Variants in SUGT1 observed in about 807,000 individuals in gnomAD.
SUGT1 encodes the protein protein SGT1 homolog.
SUGT1 carries 15 observed loss-of-function variants against 56.1 expected under a neutral mutation model. The observed-to-expected ratio is 0.27, with a 90% confidence interval of 0.18 to 0.41. The LOEUF is 0.41. Ranked by LOEUF, SUGT1 falls within the 10% of genes least tolerant of loss-of-function variation. The pLI, the probability that SUGT1 is intolerant of heterozygous loss-of-function variation, is 1.00. For synonymous variants in SUGT1, 123 were observed against 128.6 expected (o/e 0.96, Z 0.30); for missense variants, 347 against 382.2 (o/e 0.91, Z 0.77).
At chr13:52,668,046 A>T (rs1027399339) in intron 10 of SUGT1, among the ~76,000 whole-genome samples, 7 of 151,180 alleles carry the variant, frequency 4.6e-5, no homozygotes, top group African/African-American at 1.5e-4. Context: ...CTGTGATCTC[A>T]GCTCACTGCA....
Position 52,691,792 on chromosome 13 carries a change from G to C in SUGT1, c.*3957G>C, listed in dbSNP as rs1371904859. On this transcript the variant is annotated 3_prime_UTR_variant, in exon 13 of 13. Coordinates refer to ENST00000310528, the MANE Select transcript of SUGT1 (RefSeq NM_006704.5). ...CTAAAAGGACAAAATACTGGTTTCT[G>C]TGCAGGGAAGGGTCATATGTAGTTT... 1.3e-5 allele frequency: 2 copies of C among 152,164 alleles called. No individual in the cohort carries two copies. The highest frequency in any genetic ancestry group is 2.4e-5 in the African/African-American group (1 of 41,434). The allele number at this position is 152,164 out of a possible 1,614,324, so 9.4% of individuals were successfully genotyped here. A position where few individuals can be genotyped will look rare whatever the true frequency, so the allele number is the denominator to read the frequency against.
chr13:52,661,828 G>A (rs1962470588), intron 5 of SUGT1, among the ~76,000 whole-genome samples: 1 of 152,012 alleles, frequency 6.6e-6, no homozygotes, highest in African/African-American at 2.4e-5. Context: ...GGTATAGTTG[G>A]ATTTCTTTTA....
In SUGT1 at chr13:52,688,495, A is replaced by G. The variant is rs1446415875; in HGVS notation, c.*660A>G. 6.6e-6 allele frequency: 1 copy of G among 152,220 alleles called. No homozygotes were observed. Among genetic ancestry groups the G allele is most frequent in the Non-Finnish European group, 1.5e-5 (1 of 68,030 alleles). The allele number at this position is 152,220 out of a possible 1,614,324, so 9.4% of individuals were successfully genotyped here. On this transcript the variant is annotated 3_prime_UTR_variant, in exon 13 of 13. Transcript: ENST00000310528. ...ACACTGCAAGTTTATACTAAGGATA[A>G]TCTGTGAAGGTAGGGCAAAGAAGGT...
chr13:52,685,056 T>TA (rs1163851668), intron 12 of SUGT1, among the ~76,000 whole-genome samples: 1 of 121,126 alleles, frequency 8.3e-6, no homozygotes, highest in Non-Finnish European at 1.7e-5. Flanking sequence ...ATCTTCACTT[T>TA]ACCTTTTGGT....
chr13:52,670,866 G>A (rs1962909589), intron 10 of SUGT1, among the ~76,000 whole-genome samples: 1 of 152,082 alleles, frequency 6.6e-6, no homozygotes, highest in Admixed American at 6.6e-5. Flanking sequence ...ATTTGCCCTT[G>A]TGGAAATGTT....
Position 52,690,014 on chromosome 13 carries a change from T to G in SUGT1, c.*2179T>G, listed in dbSNP as rs1026108069. On this transcript the variant is annotated 3_prime_UTR_variant, in exon 13 of 13. Coordinates refer to ENST00000310528, the MANE Select transcript of SUGT1 (RefSeq NM_006704.5). ...AAATCTGGTACTATCTTTAGTTGGT[T>G]TTAAAGGATATATTATCTAGAATAT... The G allele has an allele frequency of 1.3e-5, 2 of 152,130 alleles. No homozygotes were observed. Among genetic ancestry groups the G allele is most frequent in the African/African-American group, 4.8e-5 (2 of 41,436 alleles). 9.4% of individuals were successfully genotyped at this position (152,130 alleles called of 1,614,324 possible).
Position 52,659,187 on chromosome 13 carries a change from A to G in SUGT1, c.266A>G (p.Glu89Gly). Residue 89 changes from glutamate (E) to glycine (G), a missense_variant, in exon 5 of 13, where the codon GAA (glutamate) becomes GGA (glycine). Coordinates refer to ENST00000310528, the MANE Select transcript of SUGT1 (RefSeq NM_006704.5). The stretch of plus-strand genomic sequence containing the variant: ...TAAATATATTCATGCAGAATATGTG[A>G]ATACCATGAAAAAAACTATGCTGCT... ...STAMLRKGIC[E>G]YHEKNYAAAL... is the part of the protein sequence containing the mutation. 1 of 1,497,720 alleles carries G rather than the reference A, an allele frequency of 6.7e-7. No individual in the cohort carries two copies. Among genetic ancestry groups the G allele is most frequent in the South Asian group, 1.4e-5 (1 of 70,932 alleles). 92.8% of individuals were successfully genotyped at this position (1,497,720 alleles called of 1,614,324 possible).
intron 11 of SUGT1, 65 bp downstream of exon 11, chr13:52,676,385 A>G: frequency 7.7e-7 from 1 of 1,299,772 alleles, no homozygotes. Flanking sequence ...ATTAAATAGT[A>G]ATGAACATTC....
chr13:52,658,396 C>G lies in SUGT1; in HGVS notation c.188-3C>G. On this transcript the variant is annotated splice_region_variant and splice_polypyrimidine_tract_variant and intron_variant, in intron 3 of 12. Transcript: ENST00000310528. ...GACTAAAAACCCGTCTTTTTCTACACAGTTGCTGTTGCTGATGCAAAGAAG... is the reference window on the plus strand; with the variant it reads ...GACTAAAAACCCGTCTTTTTCTACAGAGTTGCTGTTGCTGATGCAAAGAAG... The G allele has an allele frequency of 1.9e-6, 3 of 1,612,344 alleles. No homozygotes were observed. The highest frequency in any genetic ancestry group is 2.5e-6 in the Non-Finnish European group (3 of 1,179,494).
chr13:52,656,079 A>G (rs1040447605), intron 2 of SUGT1, among the ~76,000 whole-genome samples: 7 of 152,338 alleles, frequency 4.6e-5, no homozygotes, highest in African/African-American at 1.7e-4. Flanking sequence ...TGGATTTTAT[A>G]AGGGGTTATT....
At chr13:52,676,188 A>G (rs1420268866) in intron 10 of SUGT1, 42 bp from the exon 11 acceptor site, 3 of 1,527,562 alleles carry the variant, frequency 2.0e-6, no homozygotes, top group Non-Finnish European at 2.7e-6. Context: ...TGTTTTGTGT[A>G]TTTTACGTCG....
At chr13:52,661,337 A>G (rs1962438795) in intron 5 of SUGT1, 1 of 150,896 alleles carries the variant, frequency 6.6e-6, no homozygotes, top group South Asian at 2.1e-4. Flanking sequence ...TTTTTTTGAG[A>G]CTGAGTCTCA....
At chr13:52,666,969 A>G (rs1962733174) in intron 10 of SUGT1, 50 bp downstream of exon 10, 1 of 1,265,474 alleles carries the variant, frequency 7.9e-7, no homozygotes, top group Non-Finnish European at 1.1e-6. Context: ...AAATTATAGA[A>G]ATACTGGTGA....
chr13:52,668,932 A>G (rs1962824994), intron 10 of SUGT1, among the ~76,000 whole-genome samples: 1 of 152,092 alleles, frequency 6.6e-6, no homozygotes. Context: ...TTACTGAGCC[A>G]CCTCCTATAG....
At position 52,695,334 on chromosome 13, in the gene SUGT1, GTGT is replaced by G. The variant is rs1566208078; in HGVS notation, c.*7504_*7506del. 1.3e-5 allele frequency: 2 copies of G among 152,168 alleles called. No homozygotes were observed. Among genetic ancestry groups the G allele is most frequent in the South Asian group, 2.1e-4 (1 of 4,810 alleles). 9.4% of individuals were successfully genotyped at this position (152,168 alleles called of 1,614,324 possible). On this transcript the variant is annotated 3_prime_UTR_variant, in exon 13 of 13. Coordinates refer to ENST00000310528, the MANE Select transcript of SUGT1 (RefSeq NM_006704.5). Reference sequence around the variant, plus strand: ...AAATTATACTTCACCACAGAGACAGGTGTTGTTTTGTAATGGAAGGAGTAGTAA... The same window carrying G: ...AAATTATACTTCACCACAGAGACAGGTGTTTTGTAATGGAAGGAGTAGTAA...
At chr13:52,684,638 G>T (rs559135112) in intron 12 of SUGT1, among the ~76,000 whole-genome samples, 1 of 151,706 alleles carries the variant, frequency 6.6e-6, no homozygotes, top group Non-Finnish European at 1.5e-5. Flanking sequence ...TCCTGGGCTC[G>T]AGTAATCCTC....
At chr13:52,671,373 C>T (rs1254226373) in intron 10 of SUGT1, among the ~76,000 whole-genome samples, 1 of 151,948 alleles carries the variant, frequency 6.6e-6, no homozygotes, top group Admixed American at 6.6e-5. Context: ...ATTTTTATCA[C>T]ATCCTTACAT....
At chr13:52,660,385 A>AC (rs1962386757) in intron 5 of SUGT1, among the ~76,000 whole-genome samples, 1 of 152,114 alleles carries the variant, frequency 6.6e-6, no homozygotes, top group Non-Finnish European at 1.5e-5. Flanking sequence ...ATGAGTATAA[A>AC]CCAGGGGTGC....
In SUGT1 at chr13:52,665,690, A is replaced by G. The variant is rs745782817; in HGVS notation, c.476A>G (p.Asn159Ser). 3 of 1,608,864 alleles carry G rather than the reference A, an allele frequency of 1.9e-6. No individual in the cohort carries two copies. Among genetic ancestry groups the G allele is most frequent in the Non-Finnish European group, 2.5e-6 (3 of 1,178,574 alleles). ...GTAGTCATTACACTTATGATCAAGA[A>G]TGTTCAGAAGAATGATGTAAATGTG... Reference protein sequence around the residue: ...SQVVITLMIKNVQKNDVNVEF... With the variant: ...SQVVITLMIKSVQKNDVNVEF... The change falls in exon 9 of 13, where the codon AAT becomes AGT. Residue 159 changes from asparagine (N) to serine (S), a missense_variant. Transcript: ENST00000310528.
Sources: allele counts gnomAD v4.1 joint callset (sites outside exome capture counted in the v4.1 genomes callset), GRCh38; gene constraint gnomAD v4.1.1; transcripts MANE v1.5; gene names NCBI Gene and HGNC (gene_info 2026-07-23, HGNC 2026-07-21).